NOTCH1: variants seen among roughly 807,000 people sequenced by gnomAD.
The protein encoded by NOTCH1 is neurogenic locus notch homolog protein 1.
NOTCH1 carries 37 observed loss-of-function variants against 254.8 expected under a neutral mutation model. That is an observed-to-expected ratio of 0.15 (90% CI 0.11 to 0.19). The LOEUF is 0.19. Ranked by LOEUF, NOTCH1 falls within the 10% of genes least tolerant of loss-of-function variation. The pLI, the probability that NOTCH1 is intolerant of heterozygous loss-of-function variation, is 1.00. For missense variants in NOTCH1, 2,972 were observed against 3,708.6 expected, an observed-to-expected ratio of 0.80 and a Z score of 5.16; for synonymous variants, 1,731 against 1,618.1, an observed-to-expected ratio of 1.07 and a Z score of -1.68.
Position 136,507,366 on chromosome 9 carries a change from G to C in NOTCH1, c.3582C>G (p.Asn1194Lys). 1 of 1,612,774 alleles carries C rather than the reference G, an allele frequency of 6.2e-7. No homozygotes were observed. The highest frequency in any genetic ancestry group is 1.1e-5 in the South Asian group (1 of 91,046). ...IDECLSHPCQ[N>K]GGTCLDLPNT... ...TGGGGAGGTCGAGGCAGGTGCCCCC[G>C]TTCTGGCAGGGGTGGGAGAGGCACT... The change falls in exon 22 of 34, where the codon AAC (asparagine) becomes AAG (lysine). Residue 1194 changes from asparagine (N) to lysine (K), a missense_variant. By Grantham distance (94) the Asn-to-Lys change is moderately conservative (BLOSUM62 0). Coordinates refer to ENST00000651671, the MANE Select transcript of NOTCH1 (RefSeq NM_017617.5).
chr9:136,530,554 T>A lies in NOTCH1; in HGVS notation c.141-6575A>T, dbSNP rs1589076944. ...AATGCCAAGACACAGCCCAGCAGGC[T>A]CTGAGACCCCAGGAACTAGGTGTCA... is the stretch of plus-strand genomic sequence containing the variant. On this transcript the variant is annotated intron_variant, in intron 2 of 33. Transcript: ENST00000651671. 2.6e-5 allele frequency among the ~76,000 whole-genome samples: 4 copies of A among 151,226 alleles called. No individual in the cohort carries two copies. In the East Asian group the frequency reaches 7.8e-4, roughly 30 times the overall value.
chr9:136,523,910 G>T lies in NOTCH1; in HGVS notation c.210C>A (p.Asn70Lys), dbSNP rs763414200. 1.9e-6 allele frequency: 3 copies of T among 1,602,450 alleles called. No individual in the cohort carries two copies. The highest frequency in any genetic ancestry group is 2.6e-6 in the Non-Finnish European group (3 of 1,175,272). The change falls in exon 3 of 34, where the codon AAC (asparagine) becomes AAA (lysine). Residue 70 changes from asparagine to lysine, a missense_variant. This residue lies in a region of NOTCH1 where 374 missense variants were observed against 496.3 expected (regional missense o/e 0.75). Coordinates refer to ENST00000651671, the MANE Select transcript of NOTCH1 (RefSeq NM_017617.5). ...PNPCLSTPCKNAGTCHVVDRR... is the reference protein window; with the variant it reads ...PNPCLSTPCKKAGTCHVVDRR... ...GGTCCACCACGTGGCATGTCCCGGC[G>T]TTCTTGCAGGGGGTGCTGAGGCACG... is the stretch of plus-strand genomic sequence containing the variant.
chr9:136,511,728 G>A (rs1843184774), intron 15 of NOTCH1, among the ~76,000 whole-genome samples: 3 of 152,226 alleles, frequency 2.0e-5, no homozygotes, highest in Admixed American at 1.3e-4. Context: ...GGGGCTCCGT[G>A]TCACAGGCAG....
intron 9 of NOTCH1, among the ~76,000 whole-genome samples, chr9:136,516,591 G>A (rs1033912476): frequency 3.9e-5 from 6 of 152,210 alleles, no homozygotes; most frequent in Admixed American, 6.5e-5. Context: ...TACCCTTGTC[G>A]CTGGCGTGCC....
chr9:136,527,398 G>T (rs577927701), intron 2 of NOTCH1, among the ~76,000 whole-genome samples: 135 of 152,356 alleles, frequency 8.9e-4, no homozygotes, highest in African/African-American at 3.0e-3. Flanking sequence ...CGGCCAGGTG[G>T]GTGTGGGCCG....
At chr9:136,515,876 G>A (rs1276018459) in intron 10 of NOTCH1, 105 bp downstream of exon 10, 2 of 1,172,414 alleles carry the variant, frequency 1.7e-6, no homozygotes, top group East Asian at 5.1e-5. Flanking sequence ...TCGGCCTCTG[G>A]ACCAGGTGGC....
intron 2 of NOTCH1, among the ~76,000 whole-genome samples, chr9:136,524,262 C>T (rs1307588601): frequency 2.0e-5 from 3 of 152,118 alleles, no homozygotes; most frequent in East Asian, 1.9e-4. Context: ...GCCGAGATCA[C>T]GCCACTGCAC....
chr9:136,506,743 G>A lies in NOTCH1; in HGVS notation c.3874C>T (p.His1292Tyr), dbSNP rs372348365. The A allele has an allele frequency of 3.7e-6, 6 of 1,602,596 alleles. No individual in the cohort carries two copies. Among genetic ancestry groups the A allele is most frequent in the African/African-American group, 2.7e-5 (2 of 74,726 alleles). The change falls in exon 23 of 34, where the codon CAC becomes TAC. Residue 1292 changes from histidine to tyrosine, a missense_variant. Physicochemically the swap from His to Tyr is moderately conservative, Grantham distance 83 (BLOSUM62 2). Coordinates refer to ENST00000651671, the MANE Select transcript of NOTCH1 (RefSeq NM_017617.5). This position sits in a 1 kb window ranked among gnomAD's most constrained non-coding sequence, Gnocchi z 4.5. ...GTGTGACCAGCACGGCACTCGCAGTGGAAGTCATTGACGCGCTGCACGCAG... is the reference window on the plus strand; with the variant it reads ...GTGTGACCAGCACGGCACTCGCAGTAGAAGTCATTGACGCGCTGCACGCAG... ...QNCVQRVNDF[H>Y]CECRAGHTGR... is the part of the protein sequence containing the mutation.
Position 136,523,064 on chromosome 9 carries a change from C to A in NOTCH1, c.528G>T (p.Arg176=). ...TCTGGCCACACTCGTTGACATCCTG[C>A]CGGCAGGTGGGGCCATGGAAGCTGG... ...CPPSFHGPTC[R]QDVNECGQKP... The change falls in exon 4 of 34, where the codon CGG becomes CGT. Residue 176 remains arginine (R), a synonymous_variant. Transcript: ENST00000651671. The A allele has an allele frequency of 1.3e-6, 2 of 1,578,210 alleles. No homozygotes were observed. Among genetic ancestry groups the A allele is most frequent in the African/African-American group, 2.7e-5 (2 of 74,330 alleles).
chr9:136,502,791 A>C (rs1303976043), intron 27 of NOTCH1: 2 of 566,198 alleles, frequency 3.5e-6, no homozygotes, highest in Non-Finnish European at 6.3e-6. Flanking sequence ...AAGACAAAGG[A>C]TTTAGAGGGA....
At chr9:136,534,651 G>A (rs1843614050) in intron 2 of NOTCH1, among the ~76,000 whole-genome samples, 1 of 152,096 alleles carries the variant, frequency 6.6e-6, no homozygotes, top group Admixed American at 6.5e-5. Flanking sequence ...TGTGGGGGTT[G>A]GGTCCGGGCA....
In NOTCH1 at chr9:136,510,536, C is replaced by T. The variant is rs11574896; in HGVS notation, c.2740+117G>A. 134,702 of 1,383,216 alleles carry T rather than the reference C, an allele frequency of 0.097. 7,415 individuals carry two copies. Among genetic ancestry groups the T allele is most frequent in the South Asian group, 0.19 (15,183 of 80,274 alleles). The allele number at this position is 1,383,216 out of a possible 1,614,324, so 85.7% of individuals were successfully genotyped here. On this transcript the variant is annotated intron_variant, in intron 17 of 33. Transcript: ENST00000651671. ...CCCCCACACCTGACCCAACCCTCCC[C>T]GGCCACACTCCGGCCTCCCTGGGTG...
intron 2 of NOTCH1, among the ~76,000 whole-genome samples, chr9:136,524,561 C>T (rs1358828911): frequency 3.3e-5 from 5 of 152,008 alleles, no homozygotes; most frequent in African/African-American, 1.2e-4. Flanking sequence ...TTTTTCCAAC[C>T]TTCAGGTGTC....
In NOTCH1 at chr9:136,518,574, G is replaced by GGCCTCAAGGCACTCACCTGT; in HGVS notation, c.1096_1099+16dup. ...CATGTGAGCCCCCTGCGCCCACCTG[G>GGCCTCAAGGCACTCACCTGT]GCCTCAAGGCACTCACCTGTGCGGC... On this transcript the variant is annotated intron_variant, in intron 6 of 33. Coordinates refer to ENST00000651671, the MANE Select transcript of NOTCH1 (RefSeq NM_017617.5). 1 of 1,606,550 alleles carries GGCCTCAAGGCACTCACCTGT rather than the reference G, an allele frequency of 6.2e-7. No individual in the cohort carries two copies. The highest frequency in any genetic ancestry group is 8.5e-7 in the Non-Finnish European group (1 of 1,176,252).
chr9:136,506,429 G>C lies in NOTCH1; in HGVS notation c.4014+98C>G. The C allele has an allele frequency of 1.0e-6, 1 of 997,080 alleles. No individual in the cohort carries two copies. Among genetic ancestry groups the C allele is most frequent in the Non-Finnish European group, 1.5e-6 (1 of 660,916 alleles). The allele number at this position is 997,080 out of a possible 1,614,324, so 61.8% of individuals were successfully genotyped here. The stretch of plus-strand genomic sequence containing the variant: ...AGGGTGAGGAGGAGGATGAAGGCCG[G>C]GAGGATCACTGCCCGGTCTGCGCCC... On this transcript the variant is annotated intron_variant, in intron 24 of 33. Transcript: ENST00000651671. The surrounding 1 kb of genome is among the most constrained non-coding windows in gnomAD (Gnocchi z 4.5).
rs1206095693 is a variant in NOTCH1 at position 136,505,407 on chromosome 9, A to G, written c.4489T>C (p.Trp1497Arg). The change falls in exon 25 of 34, where the codon TGG becomes CGG. Residue 1497 changes from tryptophan (W) to arginine (R), a missense_variant. By Grantham distance (101) the Trp-to-Arg change is moderately radical. Around this residue, in one of 8 missense-constraint regions of NOTCH1, gnomAD observed 1,343 missense variants for 1,557.0 expected, o/e 0.86. Coordinates refer to ENST00000651671, the MANE Select transcript of NOTCH1 (RefSeq NM_017617.5). Reference sequence around the variant, plus strand: ...CAGTGGCCGTCACTGAAGTACTTCCAGCACTGCAGAGACTGCGTGCAGTTC... The same window carrying G: ...CAGTGGCCGTCACTGAAGTACTTCCGGCACTGCAGAGACTGCGTGCAGTTC... ...WKNCTQSLQC[W>R]KYFSDGHCDS... 6.2e-7 allele frequency: 1 copy of G among 1,612,730 alleles called. No homozygotes were observed. The highest frequency in any genetic ancestry group is 2.2e-5 in the East Asian group (1 of 44,878).
At chr9:136,532,500 G>A (rs1307613588) in intron 2 of NOTCH1, among the ~76,000 whole-genome samples, 1 of 152,146 alleles carries the variant, frequency 6.6e-6, no homozygotes, top group Non-Finnish European at 1.5e-5. Flanking sequence ...TCCTGGAGGG[G>A]CCCCCACAGC....
intron 2 of NOTCH1, among the ~76,000 whole-genome samples, chr9:136,528,671 C>T (rs1014836289): frequency 6.6e-6 from 1 of 151,718 alleles, no homozygotes; most frequent in Non-Finnish European, 1.5e-5. Flanking sequence ...AGGAGCTGCC[C>T]GGCTGAAATC....
chr9:136,496,991 C>T lies in NOTCH1; in HGVS notation c.6748G>A (p.Ala2250Thr), dbSNP rs1436539393. 1.2e-6 allele frequency: 2 copies of T among 1,610,514 alleles called. No homozygotes were observed. The highest frequency in any genetic ancestry group is 1.7e-6 in the Non-Finnish European group (2 of 1,179,094). ...THLGIGHLNV[A>T]AKPEMAALGG... ...AGCGCCGCCATCTCGGGCTTGGCCG[C>T]CACGTTCAGGTGCCCGATGCCCAGG... The change falls in exon 34 of 34, where the codon GCG becomes ACG. Residue 2250 changes from alanine to threonine, a missense_variant. Coordinates refer to ENST00000651671, the MANE Select transcript of NOTCH1 (RefSeq NM_017617.5).
Sources: gnomAD v4.1 joint callset for allele counts (sites outside exome capture counted in the v4.1 genomes callset) on GRCh38, gnomAD v4.1.1 for gene constraint, gnomAD v4.1.1 regional missense constraint, Gnocchi (gnomAD v3.1) non-coding constraint, MANE v1.5 for transcripts, NCBI Gene and HGNC (gene_info 2026-07-23, HGNC 2026-07-21) for gene names.